Variants in GALNT2 observed in about 807,000 individuals in gnomAD.
The protein encoded by GALNT2 is polypeptide N-acetylgalactosaminyltransferase 2, also known as UDP-GalNAc:polypeptide N-acetylgalactosaminyltransferase 2.
GALNT2 carries 31 observed loss-of-function variants against 81.4 expected under a neutral mutation model. The observed-to-expected ratio is 0.38, with a 90% CI of 0.29 to 0.51. The LOEUF (loss-of-function observed/expected upper bound fraction) is 0.51, where lower values mean the gene tolerates loss of function less well. Ranked by LOEUF, GALNT2 falls within the 20% of genes least tolerant of loss-of-function variation. The pLI, the probability that GALNT2 is intolerant of heterozygous loss-of-function variation, is 0.87. For missense variants in GALNT2, 629 were observed against 765.7 expected, an observed-to-expected ratio of 0.82 and a Z score of 2.11; for synonymous variants, 303 against 287.4, an observed-to-expected ratio of 1.05 and a Z score of -0.55.
chr1:230,169,667 A>G (rs1662730231), intron 1 of GALNT2, among the ~76,000 whole-genome samples: 1 of 151,688 alleles, frequency 6.6e-6, no homozygotes, highest in East Asian at 2.0e-4. Flanking sequence ...GTAGTTCACG[A>G]CTTCAGCACA....
chr1:230,226,211 G>A (rs1196333813), intron 3 of GALNT2, among the ~76,000 whole-genome samples: 1 of 152,202 alleles, frequency 6.6e-6, no homozygotes, highest in Non-Finnish European at 1.5e-5. Context: ...GATGGTCAGT[G>A]AAACAACAGA....
At chr1:230,125,913 T>C (rs1661161090) in intron 1 of GALNT2, among the ~76,000 whole-genome samples, 1 of 152,242 alleles carries the variant, frequency 6.6e-6, no homozygotes, top group Non-Finnish European at 1.5e-5. Flanking sequence ...GTCTTTCTTT[T>C]CCTCTCTTCA....
intron 1 of GALNT2, among the ~76,000 whole-genome samples, chr1:230,130,476 A>T (rs552369598): frequency 6.6e-6 from 1 of 152,156 alleles, no homozygotes; most frequent in African/African-American, 2.4e-5. Flanking sequence ...CCTGGTGTTT[A>T]CCCCCACTGT....
At chr1:230,174,689 A>G (rs1200981552) in intron 1 of GALNT2, among the ~76,000 whole-genome samples, 1 of 152,082 alleles carries the variant, frequency 6.6e-6, no homozygotes, top group African/African-American at 2.4e-5. Context: ...TGGGTCCAGC[A>G]TGCCATCTTC....
intron 10 of GALNT2, among the ~76,000 whole-genome samples, chr1:230,252,865 T>TTTTTTTTTG (rs869247533): frequency 1.4e-5 from 2 of 137,988 alleles, no homozygotes. Flanking sequence ...TTTTTTTTTT[T>TTTTTTTTTG]GAGATGGAGT....
At chr1:230,073,058 G>A (rs943498841) in intron 1 of GALNT2, among the ~76,000 whole-genome samples, 4 of 152,214 alleles carry the variant, frequency 2.6e-5, no homozygotes, top group African/African-American at 9.6e-5. Flanking sequence ...GTGTTTTTAA[G>A]GAGGAGGGAT....
intron 1 of GALNT2, among the ~76,000 whole-genome samples, chr1:230,077,674 C>T (rs1466301462): frequency 6.6e-6 from 1 of 152,160 alleles, no homozygotes; most frequent in African/African-American, 2.4e-5. Context: ...CTTTTTGACT[C>T]AGATGTTAGT....
intron 2 of GALNT2, among the ~76,000 whole-genome samples, chr1:230,197,921 AG>A (rs2102702517): frequency 6.6e-6 from 1 of 152,304 alleles, no homozygotes; most frequent in East Asian, 1.9e-4. Flanking sequence ...CTGATGGGGC[AG>A]GCAGGCTCGG....
chr1:230,077,708 A>G (rs1014414425), intron 1 of GALNT2, among the ~76,000 whole-genome samples: 10 of 152,214 alleles, frequency 6.6e-5, no homozygotes, highest in Non-Finnish European at 1.2e-4. Context: ...AAACAGAGTC[A>G]TCCACTGTGC....
At chr1:230,272,929 C>G (rs769284875) in intron 14 of GALNT2, among the ~76,000 whole-genome samples, 1 of 152,068 alleles carries the variant, frequency 6.6e-6, no homozygotes. Flanking sequence ...CTGCCACACC[C>G]GGTCAACTTA....
chr1:230,091,317 G>A (rs1238362460), intron 1 of GALNT2, among the ~76,000 whole-genome samples: 5 of 151,734 alleles, frequency 3.3e-5, no homozygotes, highest in African/African-American at 7.3e-5. Context: ...CTTGTGATAC[G>A]GCCACCTTGG....
At chr1:230,245,068 G>A (rs1665323012) in intron 7 of GALNT2, among the ~76,000 whole-genome samples, 1 of 152,256 alleles carries the variant, frequency 6.6e-6, no homozygotes, top group Non-Finnish European at 1.5e-5. Context: ...AGCTTAAAGA[G>A]GTTAGAGATG....
chr1:230,128,186 C>A (rs12090546), intron 1 of GALNT2, among the ~76,000 whole-genome samples: 5,384 of 152,216 alleles, frequency 0.035, 305 homozygotes, highest in African/African-American at 0.12. Context: ...GCCATCTGTC[C>A]TATAGCATAG....
At chr1:230,101,452 A>G (rs944394702) in intron 1 of GALNT2, among the ~76,000 whole-genome samples, 13 of 151,988 alleles carry the variant, frequency 8.6e-5, no homozygotes, top group Admixed American at 6.5e-5. Flanking sequence ...CAGTTTTCCC[A>G]CCCCTGAGCA....
In GALNT2 at chr1:230,246,245, C is replaced by T. The variant is rs560200896; in HGVS notation, c.817+95C>T. On this transcript the variant is annotated intron_variant, in intron 8 of 15. Coordinates refer to ENST00000366672, the MANE Select transcript of GALNT2 (RefSeq NM_004481.5). Reference sequence around the variant, plus strand: ...TCATTGTCAGGAGTGACAGTGACAACAGTGTTCACGCCGTAGTGTGTGTTC... The same window carrying T: ...TCATTGTCAGGAGTGACAGTGACAATAGTGTTCACGCCGTAGTGTGTGTTC... The T allele has an allele frequency of 1.1e-5, 11 of 960,182 alleles. No individual in the cohort carries two copies. The South Asian group carries it at 1.2e-4, about 10-fold the overall frequency. The allele number at this position is 960,182 out of a possible 1,614,324, so 59.5% of individuals were successfully genotyped here. A position where few individuals can be genotyped will look rare whatever the true frequency, so the allele number is the denominator to read the frequency against.
intron 14 of GALNT2, among the ~76,000 whole-genome samples, chr1:230,272,944 T>C (rs944855766): frequency 6.6e-6 from 1 of 152,128 alleles, no homozygotes; most frequent in African/African-American, 2.4e-5. Flanking sequence ...AACTTATTTT[T>C]TATTTTTAGT....
rs528947343 is a variant in GALNT2 at position 230,128,621 on chromosome 1, G to A, written c.127-49597G>A. Reference sequence around the variant, plus strand: ...ACTTTCATAAGGGTGTGTGTGTGGCGGGGGCGGGGGTGGTTGGGGGGAGGT... The same window carrying A: ...ACTTTCATAAGGGTGTGTGTGTGGCAGGGGCGGGGGTGGTTGGGGGGAGGT... On this transcript the variant is annotated intron_variant, in intron 1 of 15. Transcript: ENST00000366672. Among the ~76,000 whole-genome samples, 270 of 151,728 alleles carry A rather than the reference G, an allele frequency of 1.8e-3. 2 individuals carry two copies. Among genetic ancestry groups the A allele is most frequent in the African/African-American group, 6.2e-3 (255 of 41,284 alleles).
intron 2 of GALNT2, among the ~76,000 whole-genome samples, chr1:230,180,911 G>C (rs1466333164): frequency 6.6e-6 from 1 of 152,060 alleles, no homozygotes; most frequent in Non-Finnish European, 1.5e-5. Context: ...CCACTCCTTT[G>C]TTACTGGTAT....
rs376909543 is a variant in GALNT2, at chr1:230,236,455, GC to G, written c.541+36del. The G allele has an allele frequency of 4.9e-5, 78 of 1,599,542 alleles. No individual in the cohort carries two copies. The African/African-American group carries it at 9.5e-4, about 19-fold the overall frequency. On this transcript the variant is annotated intron_variant, in intron 5 of 15. Coordinates refer to ENST00000366672, the MANE Select transcript of GALNT2 (RefSeq NM_004481.5). ...GACACTGATTTTATCCCTGTGTCTG[GC>G]TCTTCTCTGGGCACCAGTCTTCCTG...
Sources: allele counts gnomAD v4.1 joint callset (sites outside exome capture counted in the v4.1 genomes callset), GRCh38; gene constraint gnomAD v4.1.1; transcripts MANE v1.5; gene names NCBI Gene and HGNC (gene_info 2026-07-23, HGNC 2026-07-21).